CDK6: variants seen among roughly 807,000 people sequenced by gnomAD.
The protein encoded by CDK6 is cyclin dependent kinase 6.
A neutral mutation model predicts 37.1 loss-of-function variants in CDK6; 6 were observed. The observed-to-expected ratio is 0.16, with a 90% CI of 0.09 to 0.32. CDK6 has a LOEUF of 0.32. Ranked by LOEUF, CDK6 falls within the 10% of genes least tolerant of loss-of-function variation. CDK6 has a pLI of 1.00. For synonymous variants in CDK6, 160 were observed against 161.3 expected (o/e 0.99, Z 0.06); for missense variants, 224 against 418.9 (o/e 0.53, Z 4.06).
intron 5 of CDK6, among the ~76,000 whole-genome samples, chr7:92,663,711 A>T (rs576761117): frequency 6.6e-6 from 1 of 151,854 alleles, no homozygotes; most frequent in African/African-American, 2.4e-5. Context: ...CAAAAAAAAA[A>T]AAGAATTTAA....
Position 92,608,535 on chromosome 7 carries a change from C to T in CDK6, c.*6605G>A, listed in dbSNP as rs936342401. 1.7e-5 allele frequency: 4 copies of T among 231,502 alleles called. No homozygotes were observed. The highest frequency in any genetic ancestry group is 4.4e-5 in the African/African-American group (2 of 45,244). The allele number at this position is 231,502 out of a possible 1,614,324, so 14.3% of individuals were successfully genotyped here. A position where few individuals can be genotyped will look rare whatever the true frequency, so the allele number is the denominator to read the frequency against. On this transcript the variant is annotated 3_prime_UTR_variant, in exon 8 of 8. Transcript: ENST00000424848. ...ATAAAAAAAAATTCCTGCAATTATA[C>T]ATCTTTTCTTTAAAAAAACAAAAAC...
intron 4 of CDK6, among the ~76,000 whole-genome samples, chr7:92,672,160 T>TATATATATATATACACAC: frequency 1.3e-5 from 1 of 79,090 alleles, no homozygotes; most frequent in Non-Finnish European, 2.4e-5. Flanking sequence ...TATATATATA[T>TATATATATATATACACAC]ACACATACAC....
At position 92,833,357 on chromosome 7, in the gene CDK6, G is replaced by C; in HGVS notation, c.-34C>G. The C allele has an allele frequency of 6.8e-7, 1 of 1,464,654 alleles. No homozygotes were observed. Among genetic ancestry groups the C allele is most frequent in the Non-Finnish European group, 9.2e-7 (1 of 1,082,690 alleles). The allele number at this position is 1,464,654 out of a possible 1,614,324, so 90.7% of individuals were successfully genotyped here. ...GACGCCGCCCGCCGCGGCGCCGCTG[G>C]GGCGGGCGGGGGGTGCGCTCAACTA... On this transcript the variant is annotated 5_prime_UTR_variant, in exon 2 of 8. Transcript: ENST00000424848. The surrounding 1 kb of genome is among the most constrained non-coding windows in gnomAD (Gnocchi z 6.1).
intron 4 of CDK6, among the ~76,000 whole-genome samples, chr7:92,703,294 G>C (rs1054838329): frequency 6.6e-6 from 1 of 151,694 alleles, no homozygotes; most frequent in Non-Finnish European, 1.5e-5. Context: ...CTTGGTATGC[G>C]ATGGGAGCTG....
chr7:92,822,058 C>T (rs2115984918), intron 2 of CDK6, among the ~76,000 whole-genome samples: 1 of 152,076 alleles, frequency 6.6e-6, no homozygotes, highest in East Asian at 1.9e-4. Flanking sequence ...AAATATGACT[C>T]TTTAGAAGTC....
chr7:92,698,593 T>C (rs1057416612), intron 4 of CDK6, among the ~76,000 whole-genome samples: 1 of 152,208 alleles, frequency 6.6e-6, no homozygotes, highest in African/African-American at 2.4e-5. Flanking sequence ...GGTACAGCCT[T>C]GCAGGAAATA....
intron 3 of CDK6, among the ~76,000 whole-genome samples, chr7:92,727,654 C>A (rs1318273618): frequency 1.3e-5 from 2 of 152,024 alleles, no homozygotes. Flanking sequence ...TCGGTGTGAA[C>A]AAAGCACTTA....
intron 4 of CDK6, among the ~76,000 whole-genome samples, chr7:92,719,171 G>A (rs1585426418): frequency 6.6e-6 from 1 of 152,144 alleles, no homozygotes; most frequent in Non-Finnish European, 1.5e-5. Context: ...TGTGCAGGAT[G>A]TACAGGTTTG....
intron 5 of CDK6, among the ~76,000 whole-genome samples, chr7:92,664,848 C>T (rs549018028): frequency 1.0e-3 from 157 of 151,502 alleles, no homozygotes; most frequent in African/African-American, 3.7e-3. Flanking sequence ...TGCAGTGGCA[C>T]GATCTCAGCT....
At chr7:92,771,036 A>T (rs1562960624) in intron 3 of CDK6, among the ~76,000 whole-genome samples, 1 of 152,036 alleles carries the variant, frequency 6.6e-6, no homozygotes, top group Non-Finnish European at 1.5e-5. Context: ...CAGTAGTTCG[A>T]GACCAGCCTG....
At chr7:92,717,801 T>A (rs1440393907) in intron 4 of CDK6, among the ~76,000 whole-genome samples, 1 of 152,230 alleles carries the variant, frequency 6.6e-6, no homozygotes, top group Admixed American at 6.5e-5. Flanking sequence ...ATCCACTTGG[T>A]GCAATTAGAT....
intron 3 of CDK6, among the ~76,000 whole-genome samples, chr7:92,756,648 A>T (rs957460866): frequency 2.0e-5 from 3 of 152,220 alleles, no homozygotes; most frequent in African/African-American, 4.8e-5. Context: ...TGGTATTAAT[A>T]GAAGGAAGAT....
At chr7:92,829,428 G>T (rs1801420258) in intron 2 of CDK6, among the ~76,000 whole-genome samples, 1 of 152,128 alleles carries the variant, frequency 6.6e-6, no homozygotes, top group Non-Finnish European at 1.5e-5. Flanking sequence ...GTAAGCACTG[G>T]CTTGTATCTT....
At chr7:92,629,924 GA>G (rs1173032631) in intron 5 of CDK6, among the ~76,000 whole-genome samples, 1 of 152,092 alleles carries the variant, frequency 6.6e-6, no homozygotes, top group East Asian at 1.9e-4. Flanking sequence ...TGGCTAGAGA[GA>G]GGGTATGCTC....
intron 2 of CDK6, 119 bp downstream of exon 2, chr7:92,832,972 C>G (rs931258583): frequency 1.2e-5 from 8 of 688,680 alleles, no homozygotes; most frequent in Admixed American, 2.7e-5. Flanking sequence ...ACCAACAGGT[C>G]GCGCAGGACC....
At chr7:92,836,007 G>A (rs1480283010) in intron 1 of CDK6, among the ~76,000 whole-genome samples, 1 of 152,202 alleles carries the variant, frequency 6.6e-6, no homozygotes, top group Non-Finnish European at 1.5e-5. Flanking sequence ...CCACACCTCA[G>A]CGAGCTGGAG....
intron 5 of CDK6, among the ~76,000 whole-genome samples, chr7:92,638,256 T>A (rs1222133719): frequency 2.0e-5 from 3 of 152,228 alleles, no homozygotes; most frequent in Non-Finnish European, 4.4e-5. Flanking sequence ...AAATAAATGA[T>A]GTATTTCAAA....
chr7:92,621,509 A>G (rs1795804701), intron 6 of CDK6, among the ~76,000 whole-genome samples: 4 of 152,342 alleles, frequency 2.6e-5, no homozygotes, highest in Middle Eastern at 3.4e-3. Flanking sequence ...GGTAGTATAA[A>G]TAAGGGAAAG....
In CDK6 at chr7:92,608,546, T is replaced by C. The variant is rs1426523040; in HGVS notation, c.*6594A>G. ...TTCCTGCAATTATACATCTTTTCTTTAAAAAAACAAAAACAAAAACAAAAA... is the reference window on the plus strand; with the variant it reads ...TTCCTGCAATTATACATCTTTTCTTCAAAAAAACAAAAACAAAAACAAAAA... On this transcript the variant is annotated 3_prime_UTR_variant, in exon 8 of 8. Transcript: ENST00000424848. 4.3e-6 allele frequency: 1 copy of C among 231,798 alleles called. No individual in the cohort carries two copies. The highest frequency in any genetic ancestry group is 8.5e-6 in the Non-Finnish European group (1 of 117,216). 14.4% of individuals were successfully genotyped at this position (231,798 alleles called of 1,614,324 possible).
Sources: allele counts gnomAD v4.1 joint callset (sites outside exome capture counted in the v4.1 genomes callset), GRCh38; gene constraint gnomAD v4.1.1; non-coding constraint Gnocchi (gnomAD v3.1); transcripts MANE v1.5; gene names NCBI Gene and HGNC (gene_info 2026-07-23, HGNC 2026-07-21).